The following EYS variants were observed in gnomAD, a reference collection of about 807,000 sequenced individuals.
The protein encoded by EYS is protein eyes shut homolog.
Under a neutral mutation model 282.1 loss-of-function variants are expected in EYS, and 250 were observed. That is an observed-to-expected ratio of 0.89 (90% CI 0.80 to 0.98). The LOEUF (loss-of-function observed/expected upper bound fraction) is 0.98. EYS is among the 50% of genes least tolerant of loss of function. The probability of loss-of-function intolerance (pLI) is 0.00; values close to 1 mark genes in which losing one functional copy is unlikely to be tolerated. For missense variants in EYS, 4,016 were observed against 3,709.0 expected (o/e 1.08, Z -2.15); for synonymous variants, 1,355 against 1,282.9 (o/e 1.06, Z -1.20).
At chr6:65,392,475 G>C (rs1766083232) in intron 7 of EYS, among the ~76,000 whole-genome samples, 2 of 152,028 alleles carry the variant, frequency 1.3e-5, no homozygotes, top group Non-Finnish European at 1.5e-5. Flanking sequence ...AAATTTACAA[G>C]AAAACAACAA....
chr6:65,406,997 C>T (rs1766773197), intron 5 of EYS, among the ~76,000 whole-genome samples: 2 of 152,002 alleles, frequency 1.3e-5, no homozygotes, highest in Admixed American at 6.6e-5. Flanking sequence ...AATTTCTACA[C>T]AGAAGCCTGC....
intron 32 of EYS, among the ~76,000 whole-genome samples, chr6:64,073,754 TTATA>T (rs532848543): frequency 2.6e-5 from 4 of 151,682 alleles, no homozygotes; most frequent in Non-Finnish European, 4.4e-5. Flanking sequence ...ATGTGAATCT[TTATA>T]TATATGTGTG....
intron 12 of EYS, among the ~76,000 whole-genome samples, chr6:65,169,971 G>A (rs1253619432): frequency 6.6e-6 from 1 of 151,502 alleles, no homozygotes; most frequent in African/African-American, 2.4e-5. Flanking sequence ...TAAAACAGAA[G>A]AGAATAAGCA....
intron 33 of EYS, among the ~76,000 whole-genome samples, chr6:64,011,626 A>AT (rs373425275): frequency 1.7e-4 from 25 of 148,010 alleles, no homozygotes; most frequent in African/African-American, 2.2e-4. Context: ...GAACGTATGG[A>AT]TTTTTTTTTC....
intron 9 of EYS, among the ~76,000 whole-genome samples, chr6:65,348,173 G>C (rs1167777727): frequency 6.6e-6 from 1 of 151,702 alleles, no homozygotes; most frequent in Non-Finnish European, 1.5e-5. Context: ...TGGCTATTGT[G>C]AACAGTGCTG....
intron 9 of EYS, among the ~76,000 whole-genome samples, chr6:65,345,485 T>C (rs977129052): frequency 4.6e-5 from 7 of 151,802 alleles, no homozygotes; most frequent in Admixed American, 3.3e-4. Flanking sequence ...AGAACTTTAA[T>C]AGAAGGCCAT....
At chr6:63,735,493 TCACACA>T (rs56885891) in intron 41 of EYS, among the ~76,000 whole-genome samples, 5 of 147,954 alleles carry the variant, frequency 3.4e-5, no homozygotes, top group African/African-American at 7.4e-5. Flanking sequence ...TCTGTCTCTG[TCACACA>T]CACACACACA....
chr6:64,543,731 C>G (rs1023234634), intron 26 of EYS, among the ~76,000 whole-genome samples: 2 of 152,094 alleles, frequency 1.3e-5, no homozygotes, highest in African/African-American at 4.8e-5. Context: ...AGTTATTGAA[C>G]TTTGAGGTCC....
intron 1 of EYS, among the ~76,000 whole-genome samples, chr6:65,700,907 C>T (rs1484124726): frequency 1.3e-5 from 2 of 152,172 alleles, no homozygotes; most frequent in Non-Finnish European, 2.9e-5. Flanking sequence ...TCCTACTTTA[C>T]TCATCCAGCC....
chr6:64,049,092 T>C (rs868663495), intron 33 of EYS, among the ~76,000 whole-genome samples: 12 of 152,180 alleles, frequency 7.9e-5, no homozygotes, highest in African/African-American at 2.7e-4. Context: ...AGTATAGTAG[T>C]TATTTTGTGT....
intron 29 of EYS, among the ~76,000 whole-genome samples, chr6:64,373,322 G>A (rs1772448218): frequency 6.6e-6 from 1 of 152,088 alleles, no homozygotes; most frequent in Non-Finnish European, 1.5e-5. Flanking sequence ...CCACTCCTGG[G>A]TCTTGGAGGA....
chr6:64,514,750 C>T (rs1184425969), intron 26 of EYS, among the ~76,000 whole-genome samples: 1 of 151,726 alleles, frequency 6.6e-6, no homozygotes. Flanking sequence ...TCTAATATAG[C>T]ATCATAATTG....
intron 26 of EYS, among the ~76,000 whole-genome samples, chr6:64,456,596 T>C (rs1358964471): frequency 6.6e-6 from 1 of 152,062 alleles, no homozygotes; most frequent in Non-Finnish European, 1.5e-5. Flanking sequence ...CTCCAGATTG[T>C]ATTTAGGGAA....
chr6:65,672,030 T>C (rs1768406494), intron 1 of EYS, among the ~76,000 whole-genome samples: 2 of 152,096 alleles, frequency 1.3e-5, no homozygotes, highest in African/African-American at 4.8e-5. Context: ...TTCACCTGAC[T>C]TGGCATACTG....
At chr6:64,388,963 G>T in intron 28 of EYS, 123 bp from the exon 29 acceptor site, 2 of 636,736 alleles carry the variant, frequency 3.1e-6, no homozygotes, top group Non-Finnish European at 4.7e-6. Flanking sequence ...ATAAAACAAA[G>T]CCAGAAGCAG....
intron 28 of EYS, among the ~76,000 whole-genome samples, chr6:64,403,080 G>C: frequency 6.6e-6 from 1 of 151,920 alleles, no homozygotes; most frequent in Middle Eastern, 3.4e-3. Flanking sequence ...TAAATACTAA[G>C]ATCATTGAAA....
chr6:63,823,786 TC>T (rs1203547357), intron 36 of EYS, among the ~76,000 whole-genome samples: 1 of 152,214 alleles, frequency 6.6e-6, no homozygotes, highest in African/African-American at 2.4e-5. Context: ...TGTCTTTTTT[TC>T]TATTTCATTT....
intron 24 of EYS, among the ~76,000 whole-genome samples, chr6:64,605,042 A>G (rs778531834): frequency 2.0e-5 from 3 of 151,874 alleles, no homozygotes; most frequent in Non-Finnish European, 2.9e-5. Context: ...CTGGCTTACC[A>G]CTCTTCTTGA....
At chr6:63,724,788 G>T (rs1768548738) in intron 42 of EYS, among the ~76,000 whole-genome samples, 1 of 151,940 alleles carries the variant, frequency 6.6e-6, no homozygotes, top group Non-Finnish European at 1.5e-5. Context: ...TTAGAATTTG[G>T]TTTTCAATAT....
Sources: gnomAD v4.1 joint callset for allele counts (sites outside exome capture counted in the v4.1 genomes callset) on GRCh38, gnomAD v4.1.1 for gene constraint, MANE v1.5 for transcripts, NCBI Gene and HGNC (gene_info 2026-07-23, HGNC 2026-07-21) for gene names.